The following HERC1 variants were observed in gnomAD, a reference collection of about 807,000 sequenced individuals.
HERC1 encodes the protein probable E3 ubiquitin-protein ligase HERC1.
A neutral mutation model predicts 554.3 loss-of-function variants in HERC1; 160 were observed. That is an observed-to-expected ratio of 0.29 (90% CI 0.25 to 0.33). The LOEUF (loss-of-function observed/expected upper bound fraction) is 0.33, where lower values mean the gene tolerates loss of function less well. Ranked by LOEUF, HERC1 falls within the 10% of genes least tolerant of loss-of-function variation. The pLI is 1.00. For synonymous variants in HERC1, 2,175 were observed against 2,131.7 expected (o/e 1.02, Z -0.56); for missense variants, 4,919 against 5,918.5 (o/e 0.83, Z 5.54).
At position 63,734,275 on chromosome 15, in the gene HERC1, G is replaced by A. The variant is rs1331375110; in HGVS notation, c.2646+449C>T. ...TCTCTGAATCTGATAACTTCTACTT[G>A]GTTGAGCAAAATGTACTATTTTAAG... is the stretch of plus-strand genomic sequence containing the variant. On this transcript the variant is annotated intron_variant, in intron 13 of 77. Coordinates refer to ENST00000443617, the MANE Select transcript of HERC1 (RefSeq NM_003922.4). This position sits in a 1 kb window ranked among gnomAD's most constrained non-coding sequence, Gnocchi z 4.6. Among the ~76,000 whole-genome samples, 3 of 152,022 alleles carry A rather than the reference G, an allele frequency of 2.0e-5. No individual in the cohort carries two copies. The highest frequency in any genetic ancestry group is 7.3e-5 in the African/African-American group (3 of 41,374).
intron 22 of HERC1, among the ~76,000 whole-genome samples, chr15:63,715,989 C>T (rs1307810774): frequency 6.6e-6 from 1 of 152,050 alleles, no homozygotes; most frequent in Non-Finnish European, 1.5e-5. Context: ...AACTTGTTGC[C>T]CCAGAGGACA....
intron 71 of HERC1, among the ~76,000 whole-genome samples, chr15:63,624,595 T>G (rs759782772): frequency 1.9e-4 from 29 of 152,168 alleles, no homozygotes; most frequent in Non-Finnish European, 3.4e-4. Context: ...CTCAGGAGGC[T>G]GAGGTGGGTG....
intron 77 of HERC1, among the ~76,000 whole-genome samples, chr15:63,611,420 A>C (rs2067584637): frequency 6.6e-6 from 1 of 152,180 alleles, no homozygotes. Context: ...CTTATTCCTA[A>C]GCCATCTGTC....
rs2069578309 is a variant in HERC1 at position 63,649,851 on chromosome 15, C to T, written c.10621G>A (p.Ala3541Thr). The T allele has an allele frequency of 6.2e-7, 1 of 1,613,142 alleles. No homozygotes were observed. The highest frequency in any genetic ancestry group is 8.5e-7 in the Non-Finnish European group (1 of 1,179,544). ...AATTCTGGAGACTCTCCTGACCAGGCTGTAGCCGGACCCTCTTCTGGCCAA... is the reference window on the plus strand; with the variant it reads ...AATTCTGGAGACTCTCCTGACCAGGTTGTAGCCGGACCCTCTTCTGGCCAA... ...LAWPEEGPAT[A>T]WSGESPELLL... The change falls in exon 54 of 78, where the codon GCC becomes ACC. Residue 3541 changes from alanine (A) to threonine (T), a missense_variant. Physicochemically the swap from Ala to Thr is moderately conservative, Grantham distance 58. Coordinates refer to ENST00000443617, the MANE Select transcript of HERC1 (RefSeq NM_003922.4).
intron 12 of HERC1, among the ~76,000 whole-genome samples, chr15:63,737,549 C>CT (rs1412582426): frequency 2.8e-4 from 10 of 35,220 alleles, no homozygotes; most frequent in African/African-American, 8.6e-4. Flanking sequence ...ATATATATAT[C>CT]TTTTTTTTTT....
In HERC1 at chr15:63,612,331, T is replaced by G; in HGVS notation, c.14320A>C (p.Arg4774=). 1 of 1,613,984 alleles carries G rather than the reference T, an allele frequency of 6.2e-7. No homozygotes were observed. The highest frequency in any genetic ancestry group is 8.5e-7 in the Non-Finnish European group (1 of 1,179,870). ...AGTCGAGATCTTCCTGACACAAACC[T>G]CATGAAAAGCACCCGCTCCTCATTG... is the stretch of plus-strand genomic sequence containing the variant. ...FSNEERVLFM[R]FVSGRSRLPA... is the part of the protein sequence containing the mutation. The change falls in exon 77 of 78, where the codon AGG becomes CGG. Residue 4774 remains arginine (R), a synonymous_variant. Transcript: ENST00000443617. The surrounding 1 kb of genome is among the most constrained non-coding windows in gnomAD (Gnocchi z 5.0).
intron 2 of HERC1, among the ~76,000 whole-genome samples, chr15:63,767,249 C>T (rs12050559): frequency 0.046 from 6,934 of 151,316 alleles, 579 homozygotes; most frequent in East Asian, 0.34. Flanking sequence ...GCAATCCACC[C>T]GTCTCGGCCT....
chr15:63,721,712 C>G (rs757594239), intron 19 of HERC1, among the ~76,000 whole-genome samples: 1 of 151,876 alleles, frequency 6.6e-6, no homozygotes, highest in Admixed American at 6.6e-5. Flanking sequence ...ATGGACAAAA[C>G]TAATGACAGG....
Position 63,674,879 on chromosome 15 carries a change from C to T in HERC1, c.7309G>A (p.Ala2437Thr), listed in dbSNP as rs367997811. ...DVEQKPESES[A>T]LDMRTGLTSD... ...GTTAGGCCTGTTCGCATATCTAAAGCGGATTCACTCTCAGGTTTCTGCTCA... is the reference window on the plus strand; with the variant it reads ...GTTAGGCCTGTTCGCATATCTAAAGTGGATTCACTCTCAGGTTTCTGCTCA... The change falls in exon 38 of 78, where the codon GCT (alanine) becomes ACT (threonine). Residue 2437 changes from alanine (A) to threonine (T), a missense_variant. Coordinates refer to ENST00000443617, the MANE Select transcript of HERC1 (RefSeq NM_003922.4). 1.6e-5 allele frequency: 26 copies of T among 1,613,760 alleles called. No individual in the cohort carries two copies. The highest frequency in any genetic ancestry group is 2.2e-5 in the East Asian group (1 of 44,894).
rs1240879068 is a variant in HERC1 at position 63,661,972 on chromosome 15, C to T, written c.8951G>A (p.Cys2984Tyr). The T allele has an allele frequency of 1.2e-6, 2 of 1,613,886 alleles. No individual in the cohort carries two copies. The highest frequency in any genetic ancestry group is 2.7e-5 in the African/African-American group (2 of 74,922). The part of the protein sequence containing the change: ...DREEVVVCEL[C>Y]ECSVVSFNQH... ...ATTGAAGCTGACGACGCTGCATTCA[C>T]ACAGTTCACACACCACCACTTCTTC... Residue 2984 changes from cysteine (C) to tyrosine (Y), a missense_variant, in exon 45 of 78, where the codon TGT becomes TAT. This residue lies in a region of HERC1 where 1,963 missense variants were observed against 2,228.6 expected (regional missense o/e 0.88). Coordinates refer to ENST00000443617, the MANE Select transcript of HERC1 (RefSeq NM_003922.4).
In HERC1 at chr15:63,680,188, A is replaced by G; in HGVS notation, c.6466-28T>C. ...ACAGTGTGGCAGCAGTGAGGAAAAGAAAAAGGAAATAGAAATTTTTTTAAT... is the reference window on the plus strand; with the variant it reads ...ACAGTGTGGCAGCAGTGAGGAAAAGGAAAAGGAAATAGAAATTTTTTTAAT... On this transcript the variant is annotated intron_variant, in intron 35 of 77. Coordinates refer to ENST00000443617, the MANE Select transcript of HERC1 (RefSeq NM_003922.4). This position sits in a 1 kb window ranked among gnomAD's most constrained non-coding sequence, Gnocchi z 5.8. 1.3e-6 allele frequency: 2 copies of G among 1,563,640 alleles called. No homozygotes were observed. Among genetic ancestry groups the G allele is most frequent in the Middle Eastern group, 1.7e-4 (1 of 5,912 alleles).
intron 12 of HERC1, among the ~76,000 whole-genome samples, chr15:63,740,737 C>T (rs2074762634): frequency 6.6e-6 from 1 of 152,156 alleles, no homozygotes; most frequent in South Asian, 2.1e-4. Context: ...GATATGTCTA[C>T]TCAGATTCTT....
intron 1 of HERC1, among the ~76,000 whole-genome samples, chr15:63,795,034 C>A (rs371344772): frequency 7.4e-6 from 1 of 135,382 alleles, no homozygotes; most frequent in African/African-American, 2.9e-5. Context: ...CCACTGCATT[C>A]CAGCCCGGGC....
intron 24 of HERC1, among the ~76,000 whole-genome samples, chr15:63,709,268 C>A (rs2073172365): frequency 6.6e-6 from 1 of 152,090 alleles, no homozygotes; most frequent in Admixed American, 6.6e-5. Context: ...CCTCAGCCTC[C>A]CAAAGTGCTG....
In HERC1 at chr15:63,680,543, A is replaced by C; in HGVS notation, c.6459T>G (p.Asn2153Lys). Reference sequence around the variant, plus strand: ...TGTGAATGGGTGTCGGTACCTCTCCATTTTTCCCAAAAGAAATGGTCCTGG... The same window carrying C: ...TGTGAATGGGTGTCGGTACCTCTCCCTTTTTCCCAAAAGAAATGGTCCTGG... ...MEARTISFGK[N>K]GEEPKLAFED... is the part of the protein sequence containing the mutation. Residue 2153 changes from asparagine (N) to lysine (K), a missense_variant, in exon 35 of 78, where the codon AAT becomes AAG. Around this residue, in one of 11 missense-constraint regions of HERC1, gnomAD observed 85 missense variants for 163.2 expected, o/e 0.52. Coordinates refer to ENST00000443617, the MANE Select transcript of HERC1 (RefSeq NM_003922.4). The surrounding 1 kb of genome is among the most constrained non-coding windows in gnomAD (Gnocchi z 5.8). The C allele has an allele frequency of 6.2e-7, 1 of 1,613,682 alleles. No homozygotes were observed. Among genetic ancestry groups the C allele is most frequent in the Non-Finnish European group, 8.5e-7 (1 of 1,179,730 alleles).
At chr15:63,632,857 A>G in intron 67 of HERC1, 46 bp from the exon 68 acceptor site, 1 of 1,338,192 alleles carries the variant, frequency 7.5e-7, no homozygotes, top group Non-Finnish European at 1.0e-6. Flanking sequence ...AAGAAAAAAA[A>G]TCACTCTTGA....
chr15:63,727,640 TA>T lies in HERC1; in HGVS notation c.3346+6del. 2 of 1,601,264 alleles carry T rather than the reference TA, an allele frequency of 1.2e-6. No homozygotes were observed. The highest frequency in any genetic ancestry group is 1.7e-6 in the Non-Finnish European group (2 of 1,172,814). On this transcript the variant is annotated splice_donor_region_variant and intron_variant, in intron 17 of 77. Coordinates refer to ENST00000443617, the MANE Select transcript of HERC1 (RefSeq NM_003922.4). The surrounding 1 kb of genome is among the most constrained non-coding windows in gnomAD (Gnocchi z 4.3). ...GCATTATTTGCTCTTTTATTGTCTT[TA>T]CTTACCATGAAGAGGCCACTGTAAC...
intron 1 of HERC1, among the ~76,000 whole-genome samples, chr15:63,782,615 G>C (rs560465696): frequency 6.6e-6 from 1 of 152,346 alleles, no homozygotes; most frequent in South Asian, 2.1e-4. Context: ...GCAGCACATG[G>C]ATAAAGAAGT....
chr15:63,689,657 C>A lies in HERC1; in HGVS notation c.5980G>T (p.Glu1994Ter). ...LFSLLSDCMW[E>*]TPIAQAKHAI... ...TGTTTGGCCTGAGCAATGGGTGTCT[C>A]CCACATACAATCAGAGAGAAGGGAA... Residue 1994 changes from glutamate to a stop codon, truncating the protein, a stop_gained, in exon 33 of 78, where the codon GAG becomes TAG. Coordinates refer to ENST00000443617, the MANE Select transcript of HERC1 (RefSeq NM_003922.4). LOFTEE classifies it high-confidence loss of function. 6.3e-7 allele frequency: 1 copy of A among 1,589,052 alleles called. No individual in the cohort carries two copies. Among genetic ancestry groups the A allele is most frequent in the Non-Finnish European group, 8.6e-7 (1 of 1,166,478 alleles).
Sources: allele counts gnomAD v4.1 joint callset (sites outside exome capture counted in the v4.1 genomes callset), GRCh38; gene constraint gnomAD v4.1.1; regional missense constraint gnomAD v4.1.1; non-coding constraint Gnocchi (gnomAD v3.1); transcripts MANE v1.5; gene names NCBI Gene and HGNC (gene_info 2026-07-23, HGNC 2026-07-21).